Variants in WNK4 observed in about 807,000 individuals in gnomAD.
WNK4 encodes serine/threonine-protein kinase WNK4.
Under a neutral mutation model 116.2 loss-of-function variants are expected in WNK4, and 94 were observed. The ratio of observed to expected loss-of-function variants is 0.81; its 90% CI spans 0.68 to 0.96. WNK4 has a LOEUF of 0.96. WNK4 is among the 40% of genes least tolerant of loss of function. The pLI, the probability that WNK4 is intolerant of heterozygous loss-of-function variation, is 0.00. For synonymous variants in WNK4, 655 were observed against 672.7 expected, an observed-to-expected ratio of 0.97 and a Z score of 0.41; for missense variants, 1,542 against 1,650.6, an observed-to-expected ratio of 0.93 and a Z score of 1.14.
chr17:42,793,856 CTTT>C (rs34930579), intron 12 of WNK4, 127 bp downstream of exon 12: 529 of 943,418 alleles, frequency 5.6e-4, no homozygotes, highest in East Asian at 1.1e-3. Context: ...AACAGTGGCG[CTTT>C]TTTTTTTTTT....
At chr17:42,783,425 C>T (rs1432728370) in intron 2 of WNK4, among the ~76,000 whole-genome samples, 1 of 152,208 alleles carries the variant, frequency 6.6e-6, no homozygotes, top group Non-Finnish European at 1.5e-5. Flanking sequence ...CACACAGGCT[C>T]ACCTGTTCAC....
rs544723011 is a variant in WNK4 at position 42,785,158 on chromosome 17, G to C, written c.1232G>C (p.Gly411Ala). 3.1e-6 allele frequency: 5 copies of C among 1,613,992 alleles called. No individual in the cohort carries two copies. In the South Asian group the frequency reaches 4.4e-5, roughly 14 times the overall value. ...KIPEVKEIIEGCIRTDKNERF... is the reference protein window; with the variant it reads ...KIPEVKEIIEACIRTDKNERF... Reference sequence around the variant, plus strand: ...CCCGAGGTGAAGGAGATCATTGAAGGCTGCATCCGCACGGATAAGAACGAG... The same window carrying C: ...CCCGAGGTGAAGGAGATCATTGAAGCCTGCATCCGCACGGATAAGAACGAG... Residue 411 changes from glycine to alanine, a missense_variant, in exon 5 of 19, where the codon GGC becomes GCC. Transcript: ENST00000246914.
rs772539673 is a variant in WNK4 at position 42,787,731 on chromosome 17, ATTCCCTTTTATTTCCCC to A, written c.1742-44_1742-28del. The A allele has an allele frequency of 1.9e-6, 3 of 1,605,748 alleles. No individual in the cohort carries two copies. The African/African-American group carries it at 4.0e-5, about 21-fold the overall frequency. On this transcript the variant is annotated intron_variant, in intron 7 of 18. Transcript: ENST00000246914. ...TAGGCAGGCCCCATCCTCTGCCACT[ATTCCCTTTTATTTCCCC>A]TTTTTTTGATCCTCTCCCTCCCCAA... is the stretch of plus-strand genomic sequence containing the variant.
chr17:42,783,963 A>AGCC lies in WNK4; in HGVS notation c.821_823dup (p.Pro274dup), dbSNP rs761144585. The AGCC allele has an allele frequency of 2.5e-6, 4 of 1,613,672 alleles. No individual in the cohort carries two copies. The African/African-American group carries it at 5.3e-5, about 22-fold the overall frequency. On this transcript the variant is annotated inframe_insertion, in exon 3 of 19. Transcript: ENST00000246914. ...TACCTGAGGCGGTTCCGGGAGATGA[A>AGCC]GCCGCGGGTCCTTCAGCGCTGGAGC...
Position 42,795,054 on chromosome 17 carries a change from A to G in WNK4, c.2633A>G (p.Gln878Arg). 6.2e-7 allele frequency: 1 copy of G among 1,612,490 alleles called. No homozygotes were observed. Among genetic ancestry groups the G allele is most frequent in the Non-Finnish European group, 8.5e-7 (1 of 1,179,696 alleles). ...CCCGAGTTTCCGGTCCCACTCTCTC[A>G]GTGTCCCTGGAGTTCTCTCCCCACG... is the stretch of plus-strand genomic sequence containing the variant. ...STPEFPVPLS[Q>R]CPWSSLPTTS... The change falls in exon 14 of 19, where the codon CAG becomes CGG. Residue 878 changes from glutamine to arginine, a missense_variant. Transcript: ENST00000246914.
intron 2 of WNK4, among the ~76,000 whole-genome samples, chr17:42,783,226 A>G (rs1427494438): frequency 6.6e-6 from 1 of 151,890 alleles, no homozygotes; most frequent in East Asian, 1.9e-4. Context: ...CATCCATGCC[A>G]CCACCTCAAT....
intron 11 of WNK4, 54 bp from the exon 12 acceptor site, chr17:42,793,538 G>C: frequency 6.2e-7 from 1 of 1,609,610 alleles, no homozygotes; most frequent in Non-Finnish European, 8.5e-7. Flanking sequence ...AGCAGGGGGA[G>C]AGGGATGAGT....
chr17:42,781,326 G>T lies in WNK4; in HGVS notation c.618+10G>T. Reference sequence around the variant, plus strand: ...CTGGTGTGAGCTGCAGGTGCGGCTGGGAGCCCCCTCGGTGGCACCTTGGGA... The same window carrying T: ...CTGGTGTGAGCTGCAGGTGCGGCTGTGAGCCCCCTCGGTGGCACCTTGGGA... On this transcript the variant is annotated intron_variant, in intron 1 of 18. Transcript: ENST00000246914. The T allele has an allele frequency of 6.2e-7, 1 of 1,614,122 alleles. No homozygotes were observed. Among genetic ancestry groups the T allele is most frequent in the Non-Finnish European group, 8.5e-7 (1 of 1,180,014 alleles).
chr17:42,781,847 GCAGT>G (rs1387684626), intron 1 of WNK4, among the ~76,000 whole-genome samples: 1 of 152,188 alleles, frequency 6.6e-6, no homozygotes, highest in African/African-American at 2.4e-5. Context: ...CCCTTCTGGA[GCAGT>G]CAGACTTCTG....
chr17:42,792,257 A>T (rs1031653085), intron 11 of WNK4, among the ~76,000 whole-genome samples: 2 of 152,218 alleles, frequency 1.3e-5, no homozygotes, highest in African/African-American at 4.8e-5. Context: ...GTAGGTCCTC[A>T]ATAGAGATTG....
At position 42,785,413 on chromosome 17, in the gene WNK4, G is replaced by C; in HGVS notation, c.1407G>C (p.Arg469=). 1.3e-6 allele frequency: 2 copies of C among 1,568,306 alleles called. No homozygotes were observed. ...MEDARRGGRP[R]DNQAIEFLFQ... ...ACGCGCGGCGCGGGGGGCGCCCACG[G>C]GACAACCAGGCCATCGAGTTCCTGT... Residue 469 remains arginine, a synonymous_variant, in exon 6 of 19, where the codon CGG becomes CGC. Coordinates refer to ENST00000246914, the MANE Select transcript of WNK4 (RefSeq NM_032387.5).
intron 17 of WNK4, 77 bp from the exon 18 acceptor site, chr17:42,796,404 G>T (rs2054673829): frequency 6.2e-7 from 1 of 1,613,264 alleles, no homozygotes; most frequent in African/African-American, 1.3e-5. Flanking sequence ...CTGGGGGTCT[G>T]CCCCGGGGGA....
rs2054684604 is a variant in WNK4 at position 42,796,979 on chromosome 17, C to G, written c.*291C>G. On this transcript the variant is annotated 3_prime_UTR_variant, in exon 19 of 19. Coordinates refer to ENST00000246914, the MANE Select transcript of WNK4 (RefSeq NM_032387.5). ...CAATCCCACCCAAGCCTGGATGCTT[C>G]TAGAGGGGCCCACTCCCAGCTGGGA... 3 of 559,544 alleles carry G rather than the reference C, an allele frequency of 5.4e-6. No homozygotes were observed. Among genetic ancestry groups the G allele is most frequent in the Non-Finnish European group, 9.5e-6 (3 of 314,952 alleles). The allele number at this position is 559,544 out of a possible 1,614,324, so 34.7% of individuals were successfully genotyped here. A position where few individuals can be genotyped will look rare whatever the true frequency, so the allele number is the denominator to read the frequency against.
chr17:42,787,967 A>G (rs1194900627), intron 8 of WNK4, 68 bp downstream of exon 8: 1 of 1,604,934 alleles, frequency 6.2e-7, no homozygotes, highest in Non-Finnish European at 8.5e-7. Flanking sequence ...TCCTTGTGAA[A>G]CCCAATCTCA....
In WNK4 at chr17:42,788,342, C is replaced by A; in HGVS notation, c.1975C>A (p.Gln659Lys). Residue 659 changes from glutamine to lysine, a missense_variant, in exon 10 of 19, where the codon CAA becomes AAA. Gln to Lys is a moderately conservative substitution (Grantham distance 53, BLOSUM62 1). Around this residue, in one of 7 missense-constraint regions of WNK4, gnomAD observed 808 missense variants for 873.6 expected, o/e 0.92. Transcript: ENST00000246914. ...GLSDVGEGMGQMRRPPGRNLR... is the reference protein window; with the variant it reads ...GLSDVGEGMGKMRRPPGRNLR... Reference sequence around the variant, plus strand: ...TAGCGATGTGGGAGAAGGGATGGGACAAATGAGGAGACCCCCAGGGAGGAA... The same window carrying A: ...TAGCGATGTGGGAGAAGGGATGGGAAAAATGAGGAGACCCCCAGGGAGGAA... 6.2e-7 allele frequency: 1 copy of A among 1,613,910 alleles called. No individual in the cohort carries two copies. The highest frequency in any genetic ancestry group is 1.3e-5 in the African/African-American group (1 of 75,004).
chr17:42,781,578 G>C (rs1421085754), intron 1 of WNK4, among the ~76,000 whole-genome samples: 1 of 152,184 alleles, frequency 6.6e-6, no homozygotes, highest in African/African-American at 2.4e-5. Context: ...AACCCTGAGA[G>C]GTGGAAAATA....
In WNK4 at chr17:42,796,534, C is replaced by T. The variant is rs551175133; in HGVS notation, c.3685C>T (p.Arg1229Trp). 2.2e-5 allele frequency: 36 copies of T among 1,614,018 alleles called. No individual in the cohort carries two copies. The East Asian group carries it at 3.3e-4, about 15-fold the overall frequency. Residue 1229 changes from arginine (R) to tryptophan (W), a missense_variant, in exon 18 of 19, where the codon CGG (arginine) becomes TGG (tryptophan). Around this residue, in one of 7 missense-constraint regions of WNK4, gnomAD observed 148 missense variants for 157.2 expected, o/e 0.94. Coordinates refer to ENST00000246914, the MANE Select transcript of WNK4 (RefSeq NM_032387.5). ...CAGCAGCACCGGCTCCCAGGAGCAG[C>T]GGGCAAGCAAGGGGGTGACATTCGC... ...SGSSTGSQEQRASKGVTFAGD... is the reference protein window; with the variant it reads ...SGSSTGSQEQWASKGVTFAGD...
chr17:42,781,151 G>A lies in WNK4; in HGVS notation c.453G>A (p.Arg151=). ...RVPEAVALER[R]REQEEKEDME... The stretch of plus-strand genomic sequence containing the variant: ...CTGAAGCTGTGGCCCTAGAGCGGCG[G>A]CGGGAGCAGGAAGAAAAGGAGGACA... Residue 151 remains arginine (R), a synonymous_variant, in exon 1 of 19, where the codon CGG becomes CGA. Coordinates refer to ENST00000246914, the MANE Select transcript of WNK4 (RefSeq NM_032387.5). 6.2e-7 allele frequency: 1 copy of A among 1,614,078 alleles called. No individual in the cohort carries two copies. The highest frequency in any genetic ancestry group is 8.5e-7 in the Non-Finnish European group (1 of 1,179,974).
At chr17:42,794,580 C>T in intron 12 of WNK4, 34 bp from the exon 13 acceptor site, 1 of 1,612,844 alleles carries the variant, frequency 6.2e-7, no homozygotes. Context: ...CTGCTCTTCC[C>T]CACTGTGACT....
Sources: allele counts gnomAD v4.1 joint callset (sites outside exome capture counted in the v4.1 genomes callset), GRCh38; gene constraint gnomAD v4.1.1; regional missense constraint gnomAD v4.1.1; transcripts MANE v1.5; gene names NCBI Gene and HGNC (gene_info 2026-07-23, HGNC 2026-07-21).